Variants in GABBR2 observed in about 807,000 individuals in gnomAD.
GABBR2 encodes the protein G-protein coupled receptor 51.
GABBR2 carries 23 observed loss-of-function variants against 105.6 expected under a neutral mutation model. The observed-to-expected ratio is 0.22, with a 90% CI of 0.16 to 0.31. The LOEUF (loss-of-function observed/expected upper bound fraction) is 0.31. GABBR2 is among the 10% of genes least tolerant of loss of function. The pLI is 1.00. For missense variants in GABBR2, 734 were observed against 1,245.5 expected, an observed-to-expected ratio of 0.59 and a Z score of 6.18; for synonymous variants, 478 against 499.7, an observed-to-expected ratio of 0.96 and a Z score of 0.58.
At chr9:98,420,195 C>T (rs538487375) in intron 7 of GABBR2, among the ~76,000 whole-genome samples, 1 of 152,196 alleles carries the variant, frequency 6.6e-6, no homozygotes, top group Admixed American at 6.5e-5. Context: ...TACCCTAGCT[C>T]CCCCCACCTG....
At chr9:98,627,465 T>C (rs934227334) in intron 1 of GABBR2, among the ~76,000 whole-genome samples, 1 of 152,228 alleles carries the variant, frequency 6.6e-6, no homozygotes, top group Admixed American at 6.5e-5. Flanking sequence ...TTCCGGCTAA[T>C]GCAGGAATCA....
chr9:98,508,180 A>G (rs1275830122), intron 3 of GABBR2, among the ~76,000 whole-genome samples: 2 of 152,230 alleles, frequency 1.3e-5, no homozygotes, highest in African/African-American at 4.8e-5. Context: ...GAAATCAGCA[A>G]TATGCAAAGT....
intron 5 of GABBR2, among the ~76,000 whole-genome samples, chr9:98,478,649 C>T (rs1826846259): frequency 6.6e-6 from 1 of 152,152 alleles, no homozygotes; most frequent in South Asian, 2.1e-4. Context: ...GAAAGGTAGA[C>T]AGCCATGCCA....
chr9:98,529,016 C>T (rs1340938649), intron 3 of GABBR2, among the ~76,000 whole-genome samples: 7 of 152,128 alleles, frequency 4.6e-5, no homozygotes, highest in Admixed American at 2.0e-4. Flanking sequence ...TGTTCAATAA[C>T]GGCAGCCTTC....
At chr9:98,678,423 C>T (rs765193942) in intron 1 of GABBR2, among the ~76,000 whole-genome samples, 6 of 152,282 alleles carry the variant, frequency 3.9e-5, no homozygotes, top group African/African-American at 1.4e-4. Context: ...ACCTTTCCTG[C>T]GAGGTGCTTC....
In GABBR2 at chr9:98,675,780, AAG is replaced by A. The variant is rs915987646; in HGVS notation, c.321+32635_321+32636del. 1.9e-4 allele frequency among the ~76,000 whole-genome samples: 29 copies of A among 152,148 alleles called. 1 individual carries two copies. Among genetic ancestry groups the A allele is most frequent in the African/African-American group, 6.3e-4 (26 of 41,426 alleles). On this transcript the variant is annotated intron_variant, in intron 1 of 18. Transcript: ENST00000259455. Reference sequence around the variant, plus strand: ...TATCCGCCACCTTTTGCTTTGTATAAAGAGATATTGGTTGAACCAATGAAGTT... The same window carrying A: ...TATCCGCCACCTTTTGCTTTGTATAAAGATATTGGTTGAACCAATGAAGTT...
intron 14 of GABBR2, among the ~76,000 whole-genome samples, chr9:98,308,910 C>T (rs10985819): frequency 0.17 from 25,989 of 152,162 alleles, 2,342 homozygotes; most frequent in Middle Eastern, 0.23. Flanking sequence ...TTGAAGAGGG[C>T]GAGCGCCCCA....
chr9:98,306,456 A>C lies in GABBR2; in HGVS notation c.2005-111T>G. ...GTTACTCAGGAGGTGGGCTGCAGGG[A>C]GGGAGGGTCGGGGGCCTTGCTGTCA... On this transcript the variant is annotated intron_variant, in intron 14 of 18. Transcript: ENST00000259455. The surrounding 1 kb of genome is among the most constrained non-coding windows in gnomAD (Gnocchi z 5.4). The C allele has an allele frequency of 2.3e-6, 1 of 438,072 alleles. No individual in the cohort carries two copies. The highest frequency in any genetic ancestry group is 6.3e-5 in the East Asian group (1 of 15,940). 27.1% of individuals were successfully genotyped at this position (438,072 alleles called of 1,614,324 possible).
intron 1 of GABBR2, among the ~76,000 whole-genome samples, chr9:98,672,563 T>G (rs1830420186): frequency 1.3e-5 from 2 of 152,266 alleles, no homozygotes; most frequent in Non-Finnish European, 2.9e-5. Flanking sequence ...GGGCACAGCA[T>G]TCTGCTGAAG....
At chr9:98,348,115 C>T (rs1452675120) in intron 13 of GABBR2, among the ~76,000 whole-genome samples, 2 of 152,146 alleles carry the variant, frequency 1.3e-5, no homozygotes, top group African/African-American at 4.8e-5. Flanking sequence ...AGTGTGAGAG[C>T]AGACTAATAC....
intron 1 of GABBR2, among the ~76,000 whole-genome samples, chr9:98,703,039 C>T (rs149517080): frequency 2.8e-4 from 43 of 152,282 alleles, no homozygotes; most frequent in African/African-American, 8.7e-4. Flanking sequence ...GTGACTTGTT[C>T]GTGGATAAAC....
intron 5 of GABBR2, among the ~76,000 whole-genome samples, chr9:98,476,782 C>T (rs148726807): frequency 2.0e-5 from 3 of 152,304 alleles, no homozygotes; most frequent in East Asian, 3.9e-4. Flanking sequence ...GTCAGTTCTA[C>T]ACTGTCATTT....
At position 98,306,037 on chromosome 9, in the gene GABBR2, C is replaced by A. The variant is rs1830545724; in HGVS notation, c.2229+84G>T. 2.3e-6 allele frequency: 2 copies of A among 884,654 alleles called. No homozygotes were observed. The highest frequency in any genetic ancestry group is 1.7e-5 in the African/African-American group (1 of 59,294). 54.8% of individuals were successfully genotyped at this position (884,654 alleles called of 1,614,324 possible). The stretch of plus-strand genomic sequence containing the variant: ...TAAAAAAAAAAAGGAATGGGTAAAC[C>A]TTTTAGAGAATGGAGAAAAGCCAGC... On this transcript the variant is annotated intron_variant, in intron 15 of 18. Transcript: ENST00000259455. This position sits in a 1 kb window ranked among gnomAD's most constrained non-coding sequence, Gnocchi z 5.4.
intron 1 of GABBR2, among the ~76,000 whole-genome samples, chr9:98,582,249 G>A (rs886119627): frequency 3.3e-5 from 5 of 152,220 alleles, no homozygotes; most frequent in Non-Finnish European, 7.3e-5. Flanking sequence ...TAATAGCAGA[G>A]GGGAGATCAG....
intron 15 of GABBR2, among the ~76,000 whole-genome samples, chr9:98,304,948 T>C (rs1156465152): frequency 1.0e-5 from 1 of 98,836 alleles, no homozygotes; most frequent in Non-Finnish European, 2.1e-5. Context: ...TTTTTTTGTA[T>C]TTTTAGTAGA....
intron 1 of GABBR2, among the ~76,000 whole-genome samples, chr9:98,633,627 A>T (rs1174681985): frequency 4.0e-4 from 2 of 5,000 alleles, no homozygotes; most frequent in African/African-American, 4.4e-3. Flanking sequence ...ACTCCATCTC[A>T]AAAAAAAAAA....
At position 98,629,716 on chromosome 9, in the gene GABBR2, G is replaced by T. The variant is rs567790534; in HGVS notation, c.322-51644C>A. 1.1e-4 allele frequency among the ~76,000 whole-genome samples: 16 copies of T among 152,246 alleles called. No individual in the cohort carries two copies. The East Asian group carries it at 3.1e-3, about 29-fold the overall frequency. ...CACCCCTTTTTTCTTGATTGTGATT[G>T]GTTCAGGTGTAAGCCAATGAGAACA... is the stretch of plus-strand genomic sequence containing the variant. On this transcript the variant is annotated intron_variant, in intron 1 of 18. Transcript: ENST00000259455.
chr9:98,317,490 T>C (rs1037379465), intron 13 of GABBR2, among the ~76,000 whole-genome samples: 2 of 152,198 alleles, frequency 1.3e-5, no homozygotes, highest in African/African-American at 2.4e-5. Flanking sequence ...TCAAAAGCCT[T>C]GGTCCTGCTA....
At position 98,443,733 on chromosome 9, in the gene GABBR2, C is replaced by G. The variant is rs75621999; in HGVS notation, c.1236+10248G>C. ...GACACCAGGGGTACAGAGAGAATTA[C>G]AGGCCCCACTGTCAAGGGGCTCAGA... On this transcript the variant is annotated intron_variant, in intron 7 of 18. Transcript: ENST00000259455. 2.7e-4 allele frequency among the ~76,000 whole-genome samples: 41 copies of G among 152,280 alleles called. No individual in the cohort carries two copies. The East Asian group carries it at 7.7e-3, about 29-fold the overall frequency.
Sources: allele counts gnomAD v4.1 joint callset (sites outside exome capture counted in the v4.1 genomes callset), GRCh38; gene constraint gnomAD v4.1.1; non-coding constraint Gnocchi (gnomAD v3.1); transcripts MANE v1.5; gene names NCBI Gene and HGNC (gene_info 2026-07-23, HGNC 2026-07-21).